The following ZFHX3 variants were observed in gnomAD, a reference collection of about 807,000 sequenced individuals.
The protein encoded by ZFHX3 is zinc finger homeobox 3.
A neutral mutation model predicts 279.1 loss-of-function variants in ZFHX3; 42 were observed. The ratio of observed to expected loss-of-function variants is 0.15; its 90% CI spans 0.12 to 0.19. ZFHX3 has a LOEUF of 0.19. ZFHX3 is among the 10% of genes least tolerant of loss of function. The probability of loss-of-function intolerance (pLI) is 1.00; values close to 1 mark genes in which losing one functional copy is unlikely to be tolerated. For synonymous variants in ZFHX3, 2,293 were observed against 1,957.8 expected, an observed-to-expected ratio of 1.17 and a Z score of -4.52; for missense variants, 4,981 against 4,754.0, an observed-to-expected ratio of 1.05 and a Z score of -1.40.
chr16:73,014,487 T>C (rs1783533813), intron 1 of ZFHX3: 1 of 150,838 alleles, frequency 6.6e-6, no homozygotes, highest in South Asian at 2.1e-4. Flanking sequence ...GTTTGTGTTT[T>C]ACACCAACAA....
At position 73,595,097 on chromosome 16, in the gene ZFHX3, C is replaced by T. The variant is rs182644908; in HGVS notation, c.-1547+85083G>A. Among the ~76,000 whole-genome samples, 50 of 152,246 alleles carry T rather than the reference C, an allele frequency of 3.3e-4. 2 individuals carry two copies. In the East Asian group the frequency reaches 4.6e-3, roughly 14 times the overall value. On this transcript the variant is annotated intron_variant, in intron 2 of 17. Transcript: ENST00000641206. ...AAGCAGGAAAATGTTACACAGGATG[C>T]TTTCCCTGAGAGTAATGGAGCTCAT...
intron 3 of ZFHX3, among the ~76,000 whole-genome samples, chr16:73,360,815 T>C (rs991057425): frequency 2.2e-4 from 34 of 152,284 alleles, no homozygotes; most frequent in African/African-American, 7.7e-4. Flanking sequence ...GTCTCTTACA[T>C]TAAGTCTTTG....
At chr16:73,089,309 G>A (rs1320129457) in intron 8 of ZFHX3, among the ~76,000 whole-genome samples, 1 of 152,102 alleles carries the variant, frequency 6.6e-6, no homozygotes, top group Admixed American at 6.6e-5. Flanking sequence ...TCACTCTGTT[G>A]GCCAGGCTGG....
intron 3 of ZFHX3, among the ~76,000 whole-genome samples, chr16:72,930,010 G>A (rs1328995555): frequency 5.9e-5 from 9 of 152,196 alleles, no homozygotes; most frequent in Non-Finnish European, 1.3e-4. Flanking sequence ...TGGAGGTCAG[G>A]AGTTCAACAC....
At chr16:73,475,322 G>A (rs1025589531) in intron 2 of ZFHX3, among the ~76,000 whole-genome samples, 1 of 152,062 alleles carries the variant, frequency 6.6e-6, no homozygotes, top group Non-Finnish European at 1.5e-5. Flanking sequence ...CCAAATAAAT[G>A]TAACATATAT....
intron 4 of ZFHX3, among the ~76,000 whole-genome samples, chr16:72,889,518 G>GAAAGA (rs1057189052): frequency 2.7e-5 from 4 of 149,036 alleles, no homozygotes; most frequent in Admixed American, 6.7e-5. Flanking sequence ...AGAAGAAGAA[G>GAAAGA]AAAGAAAAGA....
In ZFHX3 at chr16:73,771,268, G is replaced by A. The variant is rs528161408; in HGVS notation, c.-1607-91028C>T. Among the ~76,000 whole-genome samples the A allele has an allele frequency of 3.3e-5, 5 of 152,220 alleles. No individual in the cohort carries two copies. In the South Asian group the frequency reaches 1.0e-3, roughly 32 times the overall value. On this transcript the variant is annotated intron_variant, in intron 1 of 17. Coordinates refer to the ZFHX3 transcript ENST00000641206. Reference sequence around the variant, plus strand: ...TTCAGTAGGGCCAGGATGAATCCTGGAAGTTTCCAAGTGGTACTACAGGAT... The same window carrying A: ...TTCAGTAGGGCCAGGATGAATCCTGAAAGTTTCCAAGTGGTACTACAGGAT...
In ZFHX3 at chr16:73,566,481, C is replaced by G. The variant is rs893720231; in HGVS notation, c.-1546-110223G>C. On this transcript the variant is annotated intron_variant, in intron 2 of 17. Transcript: ENST00000641206. ...GGGAGAATTCATTCCATGCCACACT[C>G]CTAGCTTCTGGTGGCTCCGGTGTCC... Among the ~76,000 whole-genome samples the G allele has an allele frequency of 3.9e-5, 6 of 152,278 alleles. No homozygotes were observed. The South Asian group carries it at 6.2e-4, about 16-fold the overall frequency.
At chr16:73,542,133 C>G (rs2020027275) in intron 2 of ZFHX3, among the ~76,000 whole-genome samples, 1 of 152,044 alleles carries the variant, frequency 6.6e-6, no homozygotes, top group South Asian at 2.1e-4. Flanking sequence ...AATGTGGTGA[C>G]AACACAGCTC....
At chr16:73,561,939 T>C (rs796227130) in intron 2 of ZFHX3, among the ~76,000 whole-genome samples, 49 of 152,322 alleles carry the variant, frequency 3.2e-4, no homozygotes, top group African/African-American at 1.1e-3. Flanking sequence ...ATGAAAAACC[T>C]GAATGCACCT....
At chr16:73,348,604 G>A (rs979077568) in intron 3 of ZFHX3, among the ~76,000 whole-genome samples, 1 of 152,244 alleles carries the variant, frequency 6.6e-6, no homozygotes, top group Admixed American at 6.5e-5. Context: ...GGCGTTCAGA[G>A]GATGGACTGA....
chr16:73,541,788 T>C (rs57045203), intron 2 of ZFHX3, among the ~76,000 whole-genome samples: 1,002 of 70,174 alleles, frequency 0.014, 10 homozygotes, highest in African/African-American at 0.033. Flanking sequence ...GTGGTTCTCT[T>C]TTTTTTTTTT....
intron 4 of ZFHX3, among the ~76,000 whole-genome samples, chr16:72,855,849 C>T (rs545787667): frequency 1.3e-5 from 2 of 152,202 alleles, no homozygotes; most frequent in African/African-American, 4.8e-5. Flanking sequence ...CAAGGACTGA[C>T]AAAAGGGATT....
intron 2 of ZFHX3, among the ~76,000 whole-genome samples, chr16:73,657,465 A>C (rs2052734709): frequency 2.0e-5 from 3 of 152,150 alleles, no homozygotes. Flanking sequence ...CTCAAAAATA[A>C]AATAAGTAAA....
At chr16:73,808,285 G>T (rs912257320) in intron 1 of ZFHX3, among the ~76,000 whole-genome samples, 11 of 152,212 alleles carry the variant, frequency 7.2e-5, no homozygotes, top group African/African-American at 2.4e-4. Flanking sequence ...TTGTAGGGAG[G>T]ACTGTTGAAT....
intron 3 of ZFHX3, among the ~76,000 whole-genome samples, chr16:73,333,487 A>G (rs2015845813): frequency 6.6e-6 from 1 of 152,190 alleles, no homozygotes; most frequent in South Asian, 2.1e-4. Context: ...GAAAGCAAGA[A>G]AGCAAGCAAG....
intron 2 of ZFHX3, among the ~76,000 whole-genome samples, chr16:73,582,110 C>A (rs1205700829): frequency 6.6e-6 from 1 of 151,824 alleles, no homozygotes; most frequent in African/African-American, 2.4e-5. Context: ...AGAGATGATA[C>A]AGACCTAAAC....
chr16:72,784,776 G>C lies in ZFHX3; in HGVS notation c.*2388C>G, dbSNP rs1358003843. The stretch of plus-strand genomic sequence containing the variant: ...ATAGTTAGATGGTATTCTTTCTTTA[G>C]TATTTCTACTTAAAAAAAACAATTA... On this transcript the variant is annotated 3_prime_UTR_variant, in exon 10 of 10. Transcript: ENST00000268489. The C allele has an allele frequency of 1.3e-5, 2 of 152,246 alleles. No homozygotes were observed. The highest frequency in any genetic ancestry group is 2.4e-5 in the African/African-American group (1 of 41,318). The allele number at this position is 152,246 out of a possible 1,614,324, so 9.4% of individuals were successfully genotyped here.
chr16:73,214,431 A>G (rs1478645127), intron 5 of ZFHX3, among the ~76,000 whole-genome samples: 1 of 151,710 alleles, frequency 6.6e-6, no homozygotes, highest in Non-Finnish European at 1.5e-5. Context: ...AATTCATTGC[A>G]AAAAAAAGGA....
Sources: gnomAD v4.1 joint callset for allele counts (sites outside exome capture counted in the v4.1 genomes callset) on GRCh38, gnomAD v4.1.1 for gene constraint, MANE v1.5 for transcripts, NCBI Gene and HGNC (gene_info 2026-07-23, HGNC 2026-07-21) for gene names.